TMEM217B: variants seen among roughly 807,000 people sequenced by gnomAD.
TMEM217B encodes transmembrane protein 217B.
At chr6:37,258,094 C>T in the TMEM217B span, 36 of 1,148,724 alleles carry the variant, frequency 3.1e-5, no homozygotes, top group Non-Finnish European at 4.1e-5. Context: ...GAAGCTGGGA[C>T]TGCCTGGTGG....
the TMEM217B span, among the ~76,000 whole-genome samples, chr6:37,229,546 G>A: frequency 6.6e-6 from 1 of 151,808 alleles, no homozygotes; most frequent in African/African-American, 2.4e-5. Context: ...GTTTCACCGT[G>A]TTAGCCAGGA....
At chr6:37,217,977 T>C in the TMEM217B span, 2 of 989,122 alleles carry the variant, frequency 2.0e-6, no homozygotes, top group South Asian at 9.3e-5. Flanking sequence ...GATGTTCCGG[T>C]TGTGATTATA....
the TMEM217B span, among the ~76,000 whole-genome samples, chr6:37,254,446 T>A: frequency 6.6e-6 from 1 of 152,164 alleles, no homozygotes; most frequent in Non-Finnish European, 1.5e-5. Flanking sequence ...CCCTCCCTCA[T>A]CATTCCAGGT....
the TMEM217B span, chr6:37,218,710 T>C: frequency 6.2e-7 from 1 of 1,614,200 alleles, no homozygotes; most frequent in Non-Finnish European, 8.5e-7. Context: ...TTACGACGTT[T>C]GCAGTTTCAT....
the TMEM217B span, among the ~76,000 whole-genome samples, chr6:37,230,680 G>T: frequency 6.6e-6 from 1 of 152,076 alleles, no homozygotes; most frequent in Non-Finnish European, 1.5e-5. Flanking sequence ...CAGAATTCAA[G>T]AACTGTGAGA....
chr6:37,233,008 G>C, the TMEM217B span, among the ~76,000 whole-genome samples: 2 of 152,080 alleles, frequency 1.3e-5, no homozygotes, highest in African/African-American at 2.4e-5. Flanking sequence ...TCTACACTGA[G>C]AACAAATGCA....
chr6:37,220,181 T>C, the TMEM217B span, among the ~76,000 whole-genome samples: 1 of 152,182 alleles, frequency 6.6e-6, no homozygotes, highest in African/African-American at 2.4e-5. Flanking sequence ...GGCTGACATG[T>C]TGCCAAAAAG....
At chr6:37,213,022 C>T in the TMEM217B span, 72 of 1,475,230 alleles carry the variant, frequency 4.9e-5, no homozygotes, top group Middle Eastern at 1.7e-4. Context: ...CATACAGACA[C>T]GTGACAAGAT....
At chr6:37,224,433 C>T in the TMEM217B span, among the ~76,000 whole-genome samples, 1 of 150,214 alleles carries the variant, frequency 6.7e-6, no homozygotes, top group African/African-American at 2.4e-5. Flanking sequence ...CCTGTCTCTA[C>T]TAAAAATACA....
At chr6:37,248,412 G>A in the TMEM217B span, among the ~76,000 whole-genome samples, 4,805 of 152,266 alleles carry the variant, frequency 0.032, 241 homozygotes, top group African/African-American at 0.11. Context: ...AAAATCATAT[G>A]TTTTTACCCC....
the TMEM217B span, among the ~76,000 whole-genome samples, chr6:37,242,933 C>T: frequency 6.6e-6 from 1 of 151,920 alleles, no homozygotes; most frequent in Non-Finnish European, 1.5e-5. Context: ...CCAGAAAACC[C>T]CTAGCAGTCT....
chr6:37,255,025 G>T, the TMEM217B span, among the ~76,000 whole-genome samples: 15 of 152,174 alleles, frequency 9.9e-5, no homozygotes, highest in Non-Finnish European at 1.6e-4. Flanking sequence ...CTGACAGGAG[G>T]CGGAGCTCTG....
At chr6:37,224,374 G>A in the TMEM217B span, among the ~76,000 whole-genome samples, 30 of 151,216 alleles carry the variant, frequency 2.0e-4, no homozygotes, top group East Asian at 5.3e-3. Context: ...TGAGGTGGGC[G>A]GATCATGAGG....
the TMEM217B span, among the ~76,000 whole-genome samples, chr6:37,233,311 T>A: frequency 3.9e-5 from 6 of 152,244 alleles, no homozygotes; most frequent in African/African-American, 7.2e-5. Flanking sequence ...GAATCATTAT[T>A]TTTCTGATCC....
chr6:37,221,503 A>C, the TMEM217B span, among the ~76,000 whole-genome samples: 2 of 152,296 alleles, frequency 1.3e-5, no homozygotes, highest in Non-Finnish European at 2.9e-5. Flanking sequence ...GTAGAATCTT[A>C]TAGCATTTGT....
chr6:37,255,968 G>C, the TMEM217B span, among the ~76,000 whole-genome samples: 1 of 152,206 alleles, frequency 6.6e-6, no homozygotes, highest in African/African-American at 2.4e-5. Flanking sequence ...GTTGAGCACT[G>C]TTAACTACAC....
the TMEM217B span, among the ~76,000 whole-genome samples, chr6:37,250,612 C>T: frequency 6.6e-6 from 1 of 152,226 alleles, no homozygotes; most frequent in Non-Finnish European, 1.5e-5. Flanking sequence ...TACCTTAAAG[C>T]AGTGCTTTTC....
At chr6:37,221,777 G>A in the TMEM217B span, among the ~76,000 whole-genome samples, 1 of 152,096 alleles carries the variant, frequency 6.6e-6, no homozygotes, top group Non-Finnish European at 1.5e-5. Context: ...ACAAGTGAAG[G>A]GTAAACAAGA....
At chr6:37,218,552 C>G in the TMEM217B span, 1 of 1,614,126 alleles carries the variant, frequency 6.2e-7, no homozygotes, top group South Asian at 1.1e-5. Context: ...AATTATATTG[C>G]CCTGGCTCCG....
Sources: gnomAD v4.1 joint callset for allele counts (sites outside exome capture counted in the v4.1 genomes callset) on GRCh38, gnomAD v4.1.1 for gene constraint, MANE v1.5 for transcripts, NCBI Gene and HGNC (gene_info 2026-07-23, HGNC 2026-07-21) for gene names.